The following UNKL variants were observed in gnomAD, a reference collection of about 807,000 sequenced individuals.
UNKL encodes putative E3 ubiquitin-protein ligase UNKL.
UNKL carries 60 observed loss-of-function variants against 78.0 expected under a neutral mutation model. That is an observed-to-expected ratio of 0.77 (90% confidence interval 0.63 to 0.95). The LOEUF is 0.95. Ranked by LOEUF, UNKL falls within the 40% of genes least tolerant of loss-of-function variation. The pLI, the probability that UNKL is intolerant of heterozygous loss-of-function variation, is 0.00. For missense variants in UNKL, 1,159 were observed against 1,045.7 expected (o/e 1.11, Z -1.49); for synonymous variants, 608 against 474.8 (o/e 1.28, Z -3.65).
intron 14 of UNKL, 112 bp downstream of exon 14, chr16:1,366,980 G>A: frequency 7.0e-7 from 1 of 1,431,614 alleles, no homozygotes; most frequent in Middle Eastern, 2.6e-4. Flanking sequence ...GCCCGGAGCA[G>A]ACCCTGGGGC....
intron 2 of UNKL, among the ~76,000 whole-genome samples, chr16:1,405,684 G>A (rs546465392): frequency 6.6e-6 from 1 of 152,120 alleles, no homozygotes; most frequent in East Asian, 1.9e-4. Context: ...CATTGCTCAC[G>A]GATGCCCAAG....
In UNKL at chr16:1,372,219, G is replaced by A. The variant is rs148765014; in HGVS notation, c.1265-608C>T. Among the ~76,000 whole-genome samples the A allele has an allele frequency of 6.1e-3, 923 of 152,192 alleles. 9 individuals carry two copies. The highest frequency in any genetic ancestry group is 0.028 in the South Asian group (134 of 4,822). ...GCGGAGCTTGCAGTGAGCCGAGATCGTGCCACTGCCCTCCAGCCTGGACGA... is the reference window on the plus strand; with the variant it reads ...GCGGAGCTTGCAGTGAGCCGAGATCATGCCACTGCCCTCCAGCCTGGACGA... On this transcript the variant is annotated intron_variant, in intron 10 of 14. Transcript: ENST00000389221.
chr16:1,410,801 T>C (rs2038007158), intron 2 of UNKL, among the ~76,000 whole-genome samples: 1 of 152,226 alleles, frequency 6.6e-6, no homozygotes, highest in Non-Finnish European at 1.5e-5. Flanking sequence ...TACCTGCCTT[T>C]GAAAGCCCCA....
intron 10 of UNKL, among the ~76,000 whole-genome samples, chr16:1,371,874 C>G (rs1408527855): frequency 6.6e-6 from 1 of 152,190 alleles, no homozygotes; most frequent in Admixed American, 6.5e-5. Flanking sequence ...GCTGGGTCCT[C>G]GCCTCTGACA....
chr16:1,403,891 G>A lies in UNKL; in HGVS notation c.288-547C>T, dbSNP rs540185982. 7.9e-5 allele frequency among the ~76,000 whole-genome samples: 12 copies of A among 152,250 alleles called. No individual in the cohort carries two copies. In the East Asian group the frequency reaches 1.5e-3, roughly 20 times the overall value. On this transcript the variant is annotated intron_variant, in intron 2 of 14. Transcript: ENST00000389221. The surrounding 1 kb of genome is among the most constrained non-coding windows in gnomAD (Gnocchi z 4.8). Reference sequence around the variant, plus strand: ...ATGGGCAGAAGAGGCGGCAGATGGCGTGGTGGGGAACACAGGTGAGGTAGC... The same window carrying A: ...ATGGGCAGAAGAGGCGGCAGATGGCATGGTGGGGAACACAGGTGAGGTAGC...
At chr16:1,408,679 G>A (rs2037894305) in intron 2 of UNKL, 1 of 152,810 alleles carries the variant, frequency 6.5e-6, no homozygotes, top group African/African-American at 2.4e-5. Context: ...CCCCCAGGGG[G>A]GGCTGACAGA....
chr16:1,383,691 A>G, intron 10 of UNKL: 1 of 404,334 alleles, frequency 2.5e-6, no homozygotes, highest in Non-Finnish European at 5.2e-6. Flanking sequence ...CAACGACCAG[A>G]AGCTGCGGCT....
chr16:1,370,481 A>G lies in UNKL; in HGVS notation c.1358-124T>C, dbSNP rs934829876. 27 of 1,391,214 alleles carry G rather than the reference A, an allele frequency of 1.9e-5. 1 individual carries two copies. The highest frequency in any genetic ancestry group is 3.0e-5 in the African/African-American group (2 of 67,678). 86.2% of individuals were successfully genotyped at this position (1,391,214 alleles called of 1,614,324 possible). On this transcript the variant is annotated intron_variant, in intron 11 of 14. Coordinates refer to ENST00000389221, the MANE Select transcript of UNKL (RefSeq NM_001372107.1). ...TGGTGGTGGGGATATGGGGGGTGGG[A>G]ATATAGGGGCCAGGCCAGCCACCAC...
At chr16:1,383,103 CAAAAAAAAAAAAA>C in intron 10 of UNKL, among the ~76,000 whole-genome samples, 1 of 73,170 alleles carries the variant, frequency 1.4e-5, no homozygotes, top group Non-Finnish European at 3.0e-5. Context: ...ACTAAAAATA[CAAAAAAAAAAAAA>C]AAAAAATTAG....
chr16:1,367,559 C>G, intron 13 of UNKL, 97 bp downstream of exon 13: 2 of 490,132 alleles, frequency 4.1e-6, no homozygotes, highest in South Asian at 4.5e-5. Flanking sequence ...CACCTGCGGC[C>G]CTCCCTCCCT....
At chr16:1,412,394 T>C (rs1316152011) in intron 2 of UNKL, 1 of 151,696 alleles carries the variant, frequency 6.6e-6, no homozygotes, top group African/African-American at 2.4e-5. Context: ...GAGAATCACC[T>C]GAGGTCAGGA....
intron 10 of UNKL, among the ~76,000 whole-genome samples, chr16:1,372,476 C>A (rs1162301153): frequency 6.6e-6 from 1 of 152,084 alleles, no homozygotes; most frequent in Non-Finnish European, 1.5e-5. Context: ...GGGCTGCCCT[C>A]CTGCACGGGC....
chr16:1,413,367 G>A (rs2038133252), intron 2 of UNKL, among the ~76,000 whole-genome samples: 1 of 151,476 alleles, frequency 6.6e-6, no homozygotes, highest in Non-Finnish European at 1.5e-5. Flanking sequence ...TTGGGAGTTC[G>A]AGACAAGCCT....
chr16:1,387,064 C>T lies in UNKL; in HGVS notation c.1087-1679G>A, dbSNP rs752689720. On this transcript the variant is annotated intron_variant, in intron 9 of 14. Coordinates refer to ENST00000389221, the MANE Select transcript of UNKL (RefSeq NM_001372107.1). This position sits in a 1 kb window ranked among gnomAD's most constrained non-coding sequence, Gnocchi z 4.1. ...GGACGGCGGTAACTCCTGCACCCTA[C>T]ACCGCAGACCCTCCCAGCCATGCAG... 3.3e-5 allele frequency among the ~76,000 whole-genome samples: 5 copies of T among 152,182 alleles called. No individual in the cohort carries two copies. The highest frequency in any genetic ancestry group is 5.9e-5 in the Non-Finnish European group (4 of 68,022).
In UNKL at chr16:1,367,210, A is replaced by G. The variant is rs1344918562; in HGVS notation, c.1928T>C (p.Leu643Pro). 1 of 1,604,720 alleles carries G rather than the reference A, an allele frequency of 6.2e-7. No individual in the cohort carries two copies. The highest frequency in any genetic ancestry group is 8.5e-7 in the Non-Finnish European group (1 of 1,178,000). The change falls in exon 14 of 15, where the codon CTG becomes CCG. Residue 643 changes from leucine (L) to proline (P), a missense_variant. Coordinates refer to ENST00000389221, the MANE Select transcript of UNKL (RefSeq NM_001372107.1). ...VKQLQEELEG[L>P]GVASTLPGLR... ...CCCCGGCAGTGTGGAGGCTACGCCC[A>G]GGCCCTCCAGCTCCTCCTGCAGCTG...
intron 6 of UNKL, chr16:1,394,491 T>G: frequency 1.6e-6 from 1 of 624,146 alleles, no homozygotes; most frequent in Non-Finnish European, 3.0e-6. Flanking sequence ...CCGCTTGATA[T>G]TTTCTGAAAG....
intron 9 of UNKL, among the ~76,000 whole-genome samples, chr16:1,388,450 G>A (rs1053651568): frequency 8.5e-5 from 13 of 152,168 alleles, no homozygotes; most frequent in African/African-American, 2.4e-4. Flanking sequence ...CCAGCCTACT[G>A]GAGGCCATAA....
At position 1,367,638 on chromosome 16, in the gene UNKL, G is replaced by C; in HGVS notation, c.1788+18C>G. Reference sequence around the variant, plus strand: ...GCCCTCCCTCCCCCTCACCTGTCTGGCCCCCCCACACACTCACCTGCTTCA... The same window carrying C: ...GCCCTCCCTCCCCCTCACCTGTCTGCCCCCCCCACACACTCACCTGCTTCA... On this transcript the variant is annotated intron_variant, in intron 13 of 14. Transcript: ENST00000389221. 18 of 1,520,020 alleles carry C rather than the reference G, an allele frequency of 1.2e-5. No individual in the cohort carries two copies. Among genetic ancestry groups the C allele is most frequent in the Non-Finnish European group, 1.6e-5 (18 of 1,132,696 alleles). The allele number at this position is 1,520,020 out of a possible 1,614,324, so 94.2% of individuals were successfully genotyped here.
intron 3 of UNKL, among the ~76,000 whole-genome samples, chr16:1,402,222 G>C (rs943301526): frequency 1.4e-5 from 2 of 148,056 alleles, no homozygotes; most frequent in Non-Finnish European, 1.5e-5. Context: ...AGTGAGAAGA[G>C]CTGAAGGACT....
Sources: gnomAD v4.1 joint callset for allele counts (sites outside exome capture counted in the v4.1 genomes callset) on GRCh38, gnomAD v4.1.1 for gene constraint, Gnocchi (gnomAD v3.1) non-coding constraint, MANE v1.5 for transcripts, NCBI Gene and HGNC (gene_info 2026-07-23, HGNC 2026-07-21) for gene names.